Variants in ATP8A1 observed in about 807,000 individuals in gnomAD.
ATP8A1 encodes ATPase phospholipid transporting 8A1.
In ATP8A1, 90 loss-of-function variants were observed where a neutral mutation model predicts 177.7. The observed-to-expected ratio is 0.51, with a 90% CI of 0.43 to 0.60. The LOEUF is 0.60. ATP8A1 is among the 20% of genes least tolerant of loss of function. The pLI is 0.00. For synonymous variants in ATP8A1, 493 were observed against 485.9 expected (o/e 1.01, Z -0.19); for missense variants, 1,072 against 1,392.8 (o/e 0.77, Z 3.67).
chr4:42,563,927 C>T (rs1269214323), intron 15 of ATP8A1, among the ~76,000 whole-genome samples: 1 of 152,152 alleles, frequency 6.6e-6, no homozygotes, highest in African/African-American at 2.4e-5. Flanking sequence ...AACCCTGTCT[C>T]TACTAAAAAT....
chr4:42,586,480 T>G lies in ATP8A1; in HGVS notation c.595-4A>C. ...TATCTGATGTTGCTGGTAAGCCCTG[T>G]TTGGAATTTTTAAATAAGCAAAAAG... is the stretch of plus-strand genomic sequence containing the variant. On this transcript the variant is annotated splice_polypyrimidine_tract_variant and splice_region_variant and intron_variant, in intron 8 of 36. Coordinates refer to ENST00000381668, the MANE Select transcript of ATP8A1 (RefSeq NM_006095.2). 6.2e-7 allele frequency: 1 copy of G among 1,612,750 alleles called. No individual in the cohort carries two copies. Among genetic ancestry groups the G allele is most frequent in the East Asian group, 2.2e-5 (1 of 44,844 alleles).
At chr4:42,514,740 A>G (rs949777603) in intron 22 of ATP8A1, among the ~76,000 whole-genome samples, 4 of 152,214 alleles carry the variant, frequency 2.6e-5, no homozygotes, top group Non-Finnish European at 5.9e-5. Flanking sequence ...ATCTGGAATT[A>G]AGACAGAACA....
chr4:42,555,184 ATCTATCT>A (rs1730059160), intron 16 of ATP8A1, among the ~76,000 whole-genome samples: 1 of 132,966 alleles, frequency 7.5e-6, no homozygotes, highest in Non-Finnish European at 1.6e-5. Flanking sequence ...CTATCTATCT[ATCTATCT>A]ATCTATCCTA....
rs1724062758 is a variant in ATP8A1, at chr4:42,503,524, A to C, written c.2087-10T>G. The C allele has an allele frequency of 3.2e-6, 5 of 1,563,422 alleles. No individual in the cohort carries two copies. The East Asian group carries it at 1.1e-4, about 35-fold the overall frequency. Reference sequence around the variant, plus strand: ...AGTTTGCAGGAGTGTCCTGTATCCAAACACAGAGTATATTAAAATTAATTT... The same window carrying C: ...AGTTTGCAGGAGTGTCCTGTATCCACACACAGAGTATATTAAAATTAATTT... On this transcript the variant is annotated splice_polypyrimidine_tract_variant and intron_variant, in intron 23 of 36. Transcript: ENST00000381668.
intron 1 of ATP8A1, among the ~76,000 whole-genome samples, chr4:42,652,078 G>T (rs1199017094): frequency 6.6e-6 from 1 of 152,174 alleles, no homozygotes; most frequent in Non-Finnish European, 1.5e-5. Context: ...CAAGTTTGAG[G>T]TTTCCCACAT....
chr4:42,430,708 TTA>T (rs756921744), intron 33 of ATP8A1, among the ~76,000 whole-genome samples: 29 of 152,338 alleles, frequency 1.9e-4, no homozygotes, highest in Middle Eastern at 3.4e-3. Flanking sequence ...TAGCTCCCGC[TTA>T]TAAGTGAGAA....
At chr4:42,446,773 A>T (rs1342871614) in intron 30 of ATP8A1, 129 bp from the exon 31 acceptor site, 2 of 454,976 alleles carry the variant, frequency 4.4e-6, no homozygotes, top group Non-Finnish European at 6.7e-6. Flanking sequence ...AAATGAGATT[A>T]AAAAAAAAAA....
At chr4:42,492,274 G>T (rs1722815130) in intron 24 of ATP8A1, among the ~76,000 whole-genome samples, 1 of 152,048 alleles carries the variant, frequency 6.6e-6, no homozygotes. Context: ...TATGTTACAA[G>T]GAGGATTCTA....
chr4:42,656,741 G>A, intron 1 of ATP8A1, 84 bp downstream of exon 1: 2 of 1,357,282 alleles, frequency 1.5e-6, no homozygotes, highest in Non-Finnish European at 2.0e-6. Context: ...GTAGGATGCG[G>A]TCTCTTCCAG....
intron 20 of ATP8A1, among the ~76,000 whole-genome samples, chr4:42,528,475 T>G (rs895521573): frequency 6.6e-6 from 1 of 152,142 alleles, no homozygotes; most frequent in African/African-American, 2.4e-5. Context: ...TCTTGGGGAA[T>G]GACAGTGGAT....
chr4:42,617,972 A>T (rs772447957), intron 4 of ATP8A1, among the ~76,000 whole-genome samples: 7 of 152,226 alleles, frequency 4.6e-5, no homozygotes, highest in Non-Finnish European at 1.0e-4. Context: ...AATAGTTCAT[A>T]AAAAATTAAG....
At chr4:42,506,844 AC>A (rs1724412560) in intron 23 of ATP8A1, among the ~76,000 whole-genome samples, 171 bp downstream of exon 23, 1 of 152,224 alleles carries the variant, frequency 6.6e-6, no homozygotes, top group Non-Finnish European at 1.5e-5. Flanking sequence ...AATGTTATCC[AC>A]ATGTGCCACT....
intron 24 of ATP8A1, among the ~76,000 whole-genome samples, chr4:42,491,780 A>C (rs1722767409): frequency 6.6e-6 from 1 of 152,198 alleles, no homozygotes; most frequent in East Asian, 1.9e-4. Flanking sequence ...TGCAGAAAGC[A>C]CCTGCATAAA....
intron 5 of ATP8A1, among the ~76,000 whole-genome samples, chr4:42,615,232 A>C (rs1232215346): frequency 6.6e-6 from 1 of 152,206 alleles, no homozygotes; most frequent in Non-Finnish European, 1.5e-5. Context: ...ATTGGCATAT[A>C]ATGCCTATTG....
intron 1 of ATP8A1, among the ~76,000 whole-genome samples, chr4:42,638,149 A>G (rs760634353): frequency 6.6e-6 from 1 of 152,234 alleles, no homozygotes; most frequent in Non-Finnish European, 1.5e-5. Flanking sequence ...AAAAATTCCC[A>G]GAAATTTATA....
At chr4:42,559,585 T>C (rs1020245104) in intron 15 of ATP8A1, among the ~76,000 whole-genome samples, 2 of 151,982 alleles carry the variant, frequency 1.3e-5, no homozygotes, top group South Asian at 2.1e-4. Context: ...AAATTTAAAA[T>C]ACTTTGATTC....
At chr4:42,414,585 T>C (rs1231354867) in intron 36 of ATP8A1, 42 bp downstream of exon 36, 2 of 1,496,342 alleles carry the variant, frequency 1.3e-6, no homozygotes, top group East Asian at 2.3e-5. Context: ...GATACAGCAA[T>C]GGCAGAGAAT....
chr4:42,516,557 C>T (rs1430668828), intron 22 of ATP8A1, among the ~76,000 whole-genome samples: 1 of 152,156 alleles, frequency 6.6e-6, no homozygotes, highest in African/African-American at 2.4e-5. Flanking sequence ...TTCAGAAACA[C>T]AGAAATTATT....
At position 42,586,413 on chromosome 4, in the gene ATP8A1, C is replaced by T. The variant is rs1733619914; in HGVS notation, c.658G>A (p.Glu220Lys). The change falls in exon 9 of 37, where the codon GAG (glutamate) becomes AAG (lysine). Residue 220 changes from glutamate to lysine, a missense_variant. This residue lies in a region of ATP8A1 where 344 missense variants were observed against 393.5 expected (regional missense o/e 0.87). Coordinates refer to ENST00000381668, the MANE Select transcript of ATP8A1 (RefSeq NM_006095.2). ...DSLMRISGRI[E>K]CESPNRHLYD... ...AGATGTCTGTTTGGACTTTCACACT[C>T]AATTCTGCCAGAAATCCTCATCAAA... The T allele has an allele frequency of 1.2e-6, 2 of 1,613,982 alleles. No individual in the cohort carries two copies. Among genetic ancestry groups the T allele is most frequent in the East Asian group, 4.5e-5 (2 of 44,884 alleles).
Sources: allele counts gnomAD v4.1 joint callset (sites outside exome capture counted in the v4.1 genomes callset), GRCh38; gene constraint gnomAD v4.1.1; regional missense constraint gnomAD v4.1.1; transcripts MANE v1.5; gene names NCBI Gene and HGNC (gene_info 2026-07-23, HGNC 2026-07-21).